The following ACE variants were observed in gnomAD, a reference collection of about 807,000 sequenced individuals.
ACE encodes the protein angiotensin-converting enzyme.
A neutral mutation model predicts 162.3 loss-of-function variants in ACE; 122 were observed. That is an observed-to-expected ratio of 0.75 (90% CI 0.65 to 0.87). The LOEUF (loss-of-function observed/expected upper bound fraction) is 0.87, where lower values mean the gene tolerates loss of function less well. Ranked by LOEUF, ACE falls within the 40% of genes least tolerant of loss-of-function variation. The pLI is 0.00. For missense variants in ACE, 1,799 were observed against 1,735.1 expected (o/e 1.04, Z -0.65); for synonymous variants, 796 against 720.6 (o/e 1.10, Z -1.68).
In ACE at chr17:63,484,353, C is replaced by T. The variant is rs2029862464; in HGVS notation, c.1733C>T (p.Ser578Phe). ...KLRKVLQAGS[S>F]RPWQEVLKDM... ...AGGAAGGTGCTGCAGGCTGGCTCCT[C>T]CAGGCCCTGGCAGGAGGTGCTGAAG... The change falls in exon 12 of 25, where the codon TCC becomes TTC. Residue 578 changes from serine (S) to phenylalanine (F), a missense_variant. Physicochemically the swap from Ser to Phe is radical, Grantham distance 155. Transcript: ENST00000290866. This position sits in a 1 kb window ranked among gnomAD's most constrained non-coding sequence, Gnocchi z 4.0. 6.2e-7 allele frequency: 1 copy of T among 1,611,050 alleles called. No homozygotes were observed. Among genetic ancestry groups the T allele is most frequent in the Non-Finnish European group, 8.5e-7 (1 of 1,179,858 alleles).
intron 19 of ACE, among the ~76,000 whole-genome samples, chr17:63,492,298 T>C (rs2030435339): frequency 6.6e-6 from 1 of 152,244 alleles, no homozygotes; most frequent in Non-Finnish European, 1.5e-5. Flanking sequence ...CCATGTTTTA[T>C]TGGCTAGAAC....
In ACE at chr17:63,480,581, G is replaced by A. The variant is rs796172221; in HGVS notation, c.847+53G>A. On this transcript the variant is annotated intron_variant, in intron 5 of 24. Transcript: ENST00000290866. ...AGTCCCACGGAAGTGTGGGTCCCGA[G>A]GTAGGGGTGGGGGATGTCCAGGGTA... 5.0e-6 allele frequency: 8 copies of A among 1,597,568 alleles called. No individual in the cohort carries two copies. In the African/African-American group the frequency reaches 8.0e-5, roughly 16 times the overall value.
chr17:63,491,996 A>C lies in ACE; in HGVS notation c.2912+615A>C, dbSNP rs1039020531. Among the ~76,000 whole-genome samples, 4 of 152,214 alleles carry C rather than the reference A, an allele frequency of 2.6e-5. No homozygotes were observed. Among genetic ancestry groups the C allele is most frequent in the Non-Finnish European group, 4.4e-5 (3 of 68,036 alleles). ...CAGCCGGGATGGCTCAATGGGGGCC[A>C]TACGTCCAGAGCCCCAGTTCTGGCT... is the stretch of plus-strand genomic sequence containing the variant. On this transcript the variant is annotated intron_variant, in intron 19 of 24. Coordinates refer to ENST00000290866, the MANE Select transcript of ACE (RefSeq NM_000789.4). This position sits in a 1 kb window ranked among gnomAD's most constrained non-coding sequence, Gnocchi z 4.4.
chr17:63,477,248 A>G lies in ACE; in HGVS notation c.154A>G (p.Ser52Gly), dbSNP rs756108093. Residue 52 changes from serine (S) to glycine (G), a missense_variant, in exon 1 of 25, where the codon AGC (serine) becomes GGC (glycine). Transcript: ENST00000290866. ...GGCCGGGGCGCAGCTCTTCGCGCAG[A>G]GCTACAACTCCAGCGCCGAACAGGT... ...DEAGAQLFAQSYNSSAEQVLF... is the reference protein window; with the variant it reads ...DEAGAQLFAQGYNSSAEQVLF... 1.3e-5 allele frequency: 19 copies of G among 1,503,622 alleles called. No homozygotes were observed. The highest frequency in any genetic ancestry group is 1.9e-4 in the Middle Eastern group (1 of 5,294). 93.1% of individuals were successfully genotyped at this position (1,503,622 alleles called of 1,614,324 possible).
rs1400568891 is a variant in ACE at position 63,484,877 on chromosome 17, G to A, written c.1921+336G>A. ...CTGCTCTCCTGCGGCCATGGGCCAG[G>A]GTTGGGCTACTGCAGGACTTCCCAG... On this transcript the variant is annotated intron_variant, in intron 12 of 24. Coordinates refer to ENST00000290866, the MANE Select transcript of ACE (RefSeq NM_000789.4). This position sits in a 1 kb window ranked among gnomAD's most constrained non-coding sequence, Gnocchi z 4.0. 1.9e-6 allele frequency: 3 copies of A among 1,586,078 alleles called. No homozygotes were observed. Among genetic ancestry groups the A allele is most frequent in the Non-Finnish European group, 2.6e-6 (3 of 1,166,136 alleles).
Position 63,479,099 on chromosome 17 carries a change from A to T in ACE, c.510A>T (p.Pro170=), listed in dbSNP as rs766998396. ...NKTATCWSLD[P]DLTNILASSR... ...CTGCCACCTGCTGGTCCCTGGACCCAGGTACGGCCCTTGCAGCTCCCCTCT... is the reference window on the plus strand; with the variant it reads ...CTGCCACCTGCTGGTCCCTGGACCCTGGTACGGCCCTTGCAGCTCCCCTCT... The change falls in exon 3 of 25, where the codon CCA becomes CCT. Residue 170 remains proline (P), a splice_region_variant and synonymous_variant. Coordinates refer to ENST00000290866, the MANE Select transcript of ACE (RefSeq NM_000789.4). The T allele has an allele frequency of 6.2e-7, 1 of 1,611,354 alleles. No homozygotes were observed. Among genetic ancestry groups the T allele is most frequent in the South Asian group, 1.1e-5 (1 of 90,610 alleles).
At chr17:63,495,234 G>C (rs2030655397) in intron 22 of ACE, among the ~76,000 whole-genome samples, 1 of 152,302 alleles carries the variant, frequency 6.6e-6, no homozygotes, top group Non-Finnish European at 1.5e-5. Flanking sequence ...CTCTCCTTCT[G>C]TGTGCCCCGG....
intron 21 of ACE, 43 bp from the exon 22 acceptor site, chr17:63,494,329 T>G: frequency 6.3e-7 from 1 of 1,588,424 alleles, no homozygotes; most frequent in Non-Finnish European, 8.6e-7. Context: ...CCCAGCCTGG[T>G]TCTCCCCAAA....
At position 63,484,857 on chromosome 17, in the gene ACE, C is replaced by T. The variant is rs1205363341; in HGVS notation, c.1921+316C>T. ...GGGACGGTAGCTGCAGGACTCTGCT[C>T]TCCTGCGGCCATGGGCCAGGGTTGG... is the stretch of plus-strand genomic sequence containing the variant. On this transcript the variant is annotated intron_variant, in intron 12 of 24. Transcript: ENST00000290866. The surrounding 1 kb of genome is among the most constrained non-coding windows in gnomAD (Gnocchi z 4.0). 7.0e-6 allele frequency: 11 copies of T among 1,571,522 alleles called. No homozygotes were observed. The highest frequency in any genetic ancestry group is 1.2e-5 in the South Asian group (1 of 85,806).
chr17:63,496,678 TG>T, intron 23 of ACE, 119 bp from the exon 24 acceptor site: 1 of 1,570,214 alleles, frequency 6.4e-7, no homozygotes, highest in Non-Finnish European at 8.7e-7. Context: ...CTTAGGCACC[TG>T]GAGCCCTGGG....
intron 7 of ACE, 108 bp downstream of exon 7, chr17:63,481,846 A>AC: frequency 7.0e-7 from 1 of 1,431,508 alleles, no homozygotes; most frequent in East Asian, 2.3e-5. Context: ...CCTCTACCCT[A>AC]CCCCAGCACT....
In ACE at chr17:63,479,058, T is replaced by G; in HGVS notation, c.469T>G (p.Cys157Gly). The change falls in exon 3 of 25, where the codon TGC (cysteine) becomes GGC (glycine). Residue 157 changes from cysteine to glycine, a missense_variant. Transcript: ENST00000290866. ...MSRIYSTAKV[C>G]LPNKTATCWS... ...CAGGATCTACTCCACCGCCAAGGTC[T>G]GCCTCCCCAACAAGACTGCCACCTG... 1 of 1,613,676 alleles carries G rather than the reference T, an allele frequency of 6.2e-7. No homozygotes were observed. Among genetic ancestry groups the G allele is most frequent in the Non-Finnish European group, 8.5e-7 (1 of 1,179,902 alleles).
At position 63,494,490 on chromosome 17, in the gene ACE, G is replaced by A. The variant is rs149206974; in HGVS notation, c.3380+20G>A. The A allele has an allele frequency of 1.3e-6, 2 of 1,599,712 alleles. No individual in the cohort carries two copies. The highest frequency in any genetic ancestry group is 1.3e-5 in the African/African-American group (1 of 74,732). Reference sequence around the variant, plus strand: ...CATCAGGTAACGGGAAAGGCAGGAGGGCACATTGTGAGGGGCAGTACCCAC... The same window carrying A: ...CATCAGGTAACGGGAAAGGCAGGAGAGCACATTGTGAGGGGCAGTACCCAC... On this transcript the variant is annotated intron_variant, in intron 22 of 24. Transcript: ENST00000290866.
At chr17:63,479,379 G>A (rs553432250) in intron 3 of ACE, among the ~76,000 whole-genome samples, 2 of 152,044 alleles carry the variant, frequency 1.3e-5, no homozygotes, top group African/African-American at 4.8e-5. Context: ...TTCCCCTTTC[G>A]TGGGTCCTCT....
chr17:63,490,304 C>G (rs1221210342), intron 17 of ACE: 1 of 154,070 alleles, frequency 6.5e-6, no homozygotes, highest in Non-Finnish European at 1.4e-5. Context: ...AGGCTCTTTT[C>G]TTACACTAAA....
intron 1 of ACE, 28 bp downstream of exon 1, chr17:63,477,371 G>A: frequency 8.1e-7 from 1 of 1,228,754 alleles, no homozygotes; most frequent in Non-Finnish European, 1.0e-6. Context: ...GGCGGGGGCG[G>A]GGCGGGGCCG....
In ACE at chr17:63,484,759, C is replaced by T. The variant is rs1438945792; in HGVS notation, c.1921+218C>T. Reference sequence around the variant, plus strand: ...AGAGGGTGTGCTCAGACCTGAGGGCCCCTCCCCTTCCAGAGGAAGCCAGAC... The same window carrying T: ...AGAGGGTGTGCTCAGACCTGAGGGCTCCTCCCCTTCCAGAGGAAGCCAGAC... On this transcript the variant is annotated intron_variant, in intron 12 of 24. Transcript: ENST00000290866. This position sits in a 1 kb window ranked among gnomAD's most constrained non-coding sequence, Gnocchi z 4.0. The T allele has an allele frequency of 8.2e-6, 12 of 1,470,768 alleles. No homozygotes were observed. The South Asian group carries it at 8.3e-5, about 10-fold the overall frequency. The allele number at this position is 1,470,768 out of a possible 1,614,324, so 91.1% of individuals were successfully genotyped here. A position where few individuals can be genotyped will look rare whatever the true frequency, so the allele number is the denominator to read the frequency against.
intron 4 of ACE, 125 bp from the exon 5 acceptor site, chr17:63,480,212 C>T: frequency 9.1e-7 from 1 of 1,101,806 alleles, no homozygotes; most frequent in African/African-American, 1.6e-5. Context: ...TGGCAACCCC[C>T]AAGCCAATTT....
rs1013533859 is a variant in ACE at position 63,498,368 on chromosome 17, C to T, written c.*1002C>T. ...AGAAAATAAAAGCCCTTTATATCAA[C>T]GTCAAGAGATAAGCCCTGTTGACGT... is the stretch of plus-strand genomic sequence containing the variant. On this transcript the variant is annotated 3_prime_UTR_variant, in exon 25 of 25. Transcript: ENST00000290866. 1.3e-5 allele frequency: 2 copies of T among 152,222 alleles called. No homozygotes were observed. Among genetic ancestry groups the T allele is most frequent in the Middle Eastern group, 3.2e-3 (1 of 316 alleles). 9.4% of individuals were successfully genotyped at this position (152,222 alleles called of 1,614,324 possible).
Sources: allele counts gnomAD v4.1 joint callset (sites outside exome capture counted in the v4.1 genomes callset), GRCh38; gene constraint gnomAD v4.1.1; non-coding constraint Gnocchi (gnomAD v3.1); transcripts MANE v1.5; gene names NCBI Gene and HGNC (gene_info 2026-07-23, HGNC 2026-07-21).